The following GLIS3 variants were observed in gnomAD, a reference collection of about 807,000 sequenced individuals.
GLIS3 encodes zinc finger protein GLIS3.
A neutral mutation model predicts 78.6 loss-of-function variants in GLIS3; 53 were observed. The observed-to-expected ratio is 0.67, with a 90% confidence interval of 0.54 to 0.85. GLIS3 has a LOEUF of 0.85. Ranked by LOEUF, GLIS3 falls within the 40% of genes least tolerant of loss-of-function variation. GLIS3 has a pLI of 0.00. For missense variants in GLIS3, 1,703 were observed against 1,231.1 expected (o/e 1.38, Z -5.74); for synonymous variants, 684 against 509.9 (o/e 1.34, Z -4.60).
chr9:4,481,513 TAA>T, the GLIS3 span, among the ~76,000 whole-genome samples: 6 of 118,516 alleles, frequency 5.1e-5, no homozygotes, highest in East Asian at 8.6e-4. Context: ...ATTAAAAACA[TAA>T]GTGTGTGTGT....
intron 2 of GLIS3, among the ~76,000 whole-genome samples, chr9:4,130,199 A>G (rs939824643): frequency 1.3e-5 from 2 of 152,224 alleles, no homozygotes; most frequent in Non-Finnish European, 1.5e-5. Context: ...TGGAAGTTAT[A>G]TTTAAAAGGG....
chr9:4,061,206 C>G (rs1826624906), intron 4 of GLIS3, among the ~76,000 whole-genome samples: 1 of 119,544 alleles, frequency 8.4e-6, no homozygotes, highest in Middle Eastern at 4.7e-3. Context: ...CTAATGCTAT[C>G]CCTCCCCCCT....
chr9:4,319,228 GATC>G (rs1302619830), intron 2 of GLIS3, among the ~76,000 whole-genome samples: 1 of 152,162 alleles, frequency 6.6e-6, no homozygotes, highest in African/African-American at 2.4e-5. Flanking sequence ...TCCTGAATTT[GATC>G]ATCATACTGT....
chr9:4,176,068 C>G (rs1816790563), intron 2 of GLIS3, among the ~76,000 whole-genome samples: 1 of 152,170 alleles, frequency 6.6e-6, no homozygotes, highest in Non-Finnish European at 1.5e-5. Flanking sequence ...ATGAAAATCT[C>G]TTCTGTTCAC....
chr9:3,919,547 C>T (rs117144768), intron 6 of GLIS3, among the ~76,000 whole-genome samples: 119 of 151,424 alleles, frequency 7.9e-4, no homozygotes, highest in Middle Eastern at 3.4e-3. Context: ...GCTTAATACC[C>T]GGGCAACAAA....
At chr9:3,877,892 T>A (rs1821423286) in intron 8 of GLIS3, among the ~76,000 whole-genome samples, 1 of 152,172 alleles carries the variant, frequency 6.6e-6, no homozygotes, top group African/African-American at 2.4e-5. Context: ...TCAATCTGAT[T>A]GTGTTTCTCT....
At chr9:3,901,588 G>C (rs1048246003) in intron 6 of GLIS3, among the ~76,000 whole-genome samples, 1 of 152,206 alleles carries the variant, frequency 6.6e-6, no homozygotes, top group Non-Finnish European at 1.5e-5. Context: ...ACTGTTTAGA[G>C]AGAAGTATTT....
chr9:3,843,487 C>G (rs367897283), intron 9 of GLIS3, among the ~76,000 whole-genome samples: 3 of 152,118 alleles, frequency 2.0e-5, no homozygotes, highest in African/African-American at 7.2e-5. Flanking sequence ...ATTTGGGAAA[C>G]CTGACATACA....
chr9:3,909,497 G>C (rs1156281194), intron 6 of GLIS3, among the ~76,000 whole-genome samples: 1 of 152,112 alleles, frequency 6.6e-6, no homozygotes, highest in African/African-American at 2.4e-5. Context: ...AATCTCTTTG[G>C]GAACAGAAGT....
intron 4 of GLIS3, among the ~76,000 whole-genome samples, chr9:3,969,763 G>A (rs1818241604): frequency 6.6e-6 from 1 of 152,190 alleles, no homozygotes; most frequent in Admixed American, 6.5e-5. Context: ...AAGCTTGTCA[G>A]AAGCCCCAGA....
Position 3,879,430 on chromosome 9 carries a change from T to C in GLIS3, c.2294A>G (p.Glu765Gly). ...AGAGAGAGACAGATGGCCTTACCTC[T>C]CAGCTCCTGCGTCCACAGCTGTGAG... ...PPLTAVDAGA[E>G]RFAPSAPSPH... Residue 765 changes from glutamate to glycine, a missense_variant, in exon 8 of 11, where the codon GAG becomes GGG. By Grantham distance (98) the Glu-to-Gly change is moderately conservative (BLOSUM62 -2). Coordinates refer to ENST00000381971, the MANE Select transcript of GLIS3 (RefSeq NM_001042413.2). The C allele has an allele frequency of 3.1e-6, 5 of 1,614,032 alleles. No individual in the cohort carries two copies. Among genetic ancestry groups the C allele is most frequent in the Non-Finnish European group, 4.2e-6 (5 of 1,179,964 alleles).
chr9:4,280,705 A>G lies in GLIS3; in HGVS notation c.388+5333T>C, dbSNP rs188665764. Among the ~76,000 whole-genome samples, 218 of 152,040 alleles carry G rather than the reference A, an allele frequency of 1.4e-3. 2 individuals are homozygous for G. Among genetic ancestry groups the G allele is most frequent in the Middle Eastern group, 6.8e-3 (2 of 294 alleles). On this transcript the variant is annotated intron_variant, in intron 2 of 10. Transcript: ENST00000381971. ...TTTGAAGAGGAACAGATCTGGGAGG[A>G]GTTGTTCTTTTTCTCTTTTGCCTTT...
At chr9:3,905,388 A>G (rs1050713503) in intron 6 of GLIS3, among the ~76,000 whole-genome samples, 1 of 151,980 alleles carries the variant, frequency 6.6e-6, no homozygotes, top group Non-Finnish European at 1.5e-5. Context: ...TCTCTAGCAT[A>G]CCTTATCACC....
At chr9:4,205,108 G>T (rs1819748870) in intron 2 of GLIS3, among the ~76,000 whole-genome samples, 2 of 148,894 alleles carry the variant, frequency 1.3e-5, no homozygotes, top group Admixed American at 6.8e-5. Context: ...CCCAGGAGGT[G>T]CAGAATGCAG....
intron 7 of GLIS3, among the ~76,000 whole-genome samples, chr9:3,882,621 G>C (rs1257700890): frequency 6.6e-6 from 1 of 152,176 alleles, no homozygotes; most frequent in East Asian, 1.9e-4. Flanking sequence ...TGCCAGTCAA[G>C]CCCACGTCAA....
chr9:4,149,603 G>C (rs1834510989), intron 2 of GLIS3, among the ~76,000 whole-genome samples: 2 of 152,220 alleles, frequency 1.3e-5, no homozygotes, highest in Admixed American at 6.5e-5. Flanking sequence ...AATGGTGTCA[G>C]GCATGCAAGT....
At chr9:3,975,400 A>C (rs1818696055) in intron 4 of GLIS3, among the ~76,000 whole-genome samples, 1 of 152,188 alleles carries the variant, frequency 6.6e-6, no homozygotes, top group African/African-American at 2.4e-5. Context: ...TAAAAGTATT[A>C]CTAACACCTT....
rs562682187 is a variant in GLIS3, at chr9:4,274,945, T to C, written c.388+11093A>G. 3.9e-5 allele frequency among the ~76,000 whole-genome samples: 6 copies of C among 152,350 alleles called. No individual in the cohort carries two copies. In the South Asian group the frequency reaches 1.2e-3, roughly 32 times the overall value. Reference sequence around the variant, plus strand: ...CAAGTTGCATTTTGTAATGTGTTTATTATGTCAGATCCAATTACAAACTTT... The same window carrying C: ...CAAGTTGCATTTTGTAATGTGTTTACTATGTCAGATCCAATTACAAACTTT... On this transcript the variant is annotated intron_variant, in intron 2 of 10. Coordinates refer to ENST00000381971, the MANE Select transcript of GLIS3 (RefSeq NM_001042413.2).
At chr9:4,011,203 T>A (rs945223737) in intron 4 of GLIS3, among the ~76,000 whole-genome samples, 1 of 152,064 alleles carries the variant, frequency 6.6e-6, no homozygotes, top group Non-Finnish European at 1.5e-5. Context: ...TTCAAATAAA[T>A]AACGTGTGCG....
Sources: gnomAD v4.1 joint callset for allele counts (sites outside exome capture counted in the v4.1 genomes callset) on GRCh38, gnomAD v4.1.1 for gene constraint, MANE v1.5 for transcripts, NCBI Gene and HGNC (gene_info 2026-07-23, HGNC 2026-07-21) for gene names.